The following FMNL2 variants were observed in gnomAD, a reference collection of about 807,000 sequenced individuals.
FMNL2 encodes the protein formin-like protein 2.
In FMNL2, 51 loss-of-function variants were observed where a neutral mutation model predicts 130.2. The observed-to-expected ratio is 0.39, with a 90% CI of 0.31 to 0.49. FMNL2 has a LOEUF of 0.49. Among genes scored for constraint, FMNL2 ranks in the 20% least tolerant of loss-of-function variants. The probability of loss-of-function intolerance (pLI) is 0.85; values close to 1 mark genes in which losing one functional copy is unlikely to be tolerated. For missense variants in FMNL2, 977 were observed against 1,316.2 expected (o/e 0.74, Z 3.99); for synonymous variants, 465 against 467.1 (o/e 1.00, Z 0.06).
At chr2:152,515,538 T>C (rs1692721773) in intron 1 of FMNL2, among the ~76,000 whole-genome samples, 1 of 152,186 alleles carries the variant, frequency 6.6e-6, no homozygotes, top group South Asian at 2.1e-4. Flanking sequence ...AATGACTGTG[T>C]CTGGTTATTT....
chr2:152,632,074 G>A lies in FMNL2; in HGVS notation c.2617G>A (p.Glu873Lys). The change falls in exon 21 of 26, where the codon GAA (glutamate) becomes AAA (lysine). Residue 873 changes from glutamate (E) to lysine (K), a missense_variant. Coordinates refer to ENST00000288670, the MANE Select transcript of FMNL2 (RefSeq NM_052905.4). ...LLHYISNVVK[E>K]KYHQVSLFYN... ...GCACTATATATCCAATGTGGTGAAA[G>A]AAAAATATCACCAAGTGTCCCTGTT... is the stretch of plus-strand genomic sequence containing the variant. 6.2e-7 allele frequency: 1 copy of A among 1,613,270 alleles called. No individual in the cohort carries two copies. The highest frequency in any genetic ancestry group is 8.5e-7 in the Non-Finnish European group (1 of 1,179,522).
intron 2 of FMNL2, among the ~76,000 whole-genome samples, chr2:152,526,823 CT>C (rs201498163): frequency 6.6e-6 from 1 of 151,940 alleles, no homozygotes; most frequent in Admixed American, 6.6e-5. Flanking sequence ...TCTAGTTCAT[CT>C]TTTTTTTAAA....
At chr2:152,567,213 A>G (rs1412593973) in intron 6 of FMNL2, among the ~76,000 whole-genome samples, 2 of 152,326 alleles carry the variant, frequency 1.3e-5, no homozygotes, top group Middle Eastern at 3.4e-3. Context: ...CCTTTGACAA[A>G]TGGAATATAA....
intron 4 of FMNL2, among the ~76,000 whole-genome samples, chr2:152,550,374 A>G (rs1694869266): frequency 6.6e-6 from 1 of 152,258 alleles, no homozygotes; most frequent in Non-Finnish European, 1.5e-5. Context: ...AAATGAATTA[A>G]TTCTAGACTT....
At chr2:152,482,263 A>T (rs1194352753) in intron 1 of FMNL2, among the ~76,000 whole-genome samples, 1 of 152,196 alleles carries the variant, frequency 6.6e-6, no homozygotes, top group Non-Finnish European at 1.5e-5. Context: ...TTTTTCTACC[A>T]CATGAATCTT....
At chr2:152,554,862 C>T (rs1362706430) in intron 4 of FMNL2, among the ~76,000 whole-genome samples, 2 of 152,158 alleles carry the variant, frequency 1.3e-5, no homozygotes, top group African/African-American at 4.8e-5. Context: ...GCAACTCAAA[C>T]AATTTCACAG....
intron 2 of FMNL2, among the ~76,000 whole-genome samples, chr2:152,528,150 A>G (rs1693492849): frequency 6.6e-6 from 1 of 152,154 alleles, no homozygotes; most frequent in African/African-American, 2.4e-5. Flanking sequence ...TTTTTCTATC[A>G]TATAAAAACT....
At chr2:152,390,681 T>TC in intron 1 of FMNL2, 1 of 777,152 alleles carries the variant, frequency 1.3e-6, no homozygotes, top group East Asian at 2.5e-5. Context: ...GCTACAACCA[T>TC]CCAACCTTCT....
chr2:152,517,459 G>C (rs1191255814), intron 1 of FMNL2, among the ~76,000 whole-genome samples: 1 of 152,112 alleles, frequency 6.6e-6, no homozygotes, highest in Admixed American at 6.6e-5. Flanking sequence ...GGGAAATTTA[G>C]GTAAGCATAC....
chr2:152,343,624 C>G (rs1681941312), intron 1 of FMNL2, among the ~76,000 whole-genome samples: 1 of 152,142 alleles, frequency 6.6e-6, no homozygotes, highest in Non-Finnish European at 1.5e-5. Flanking sequence ...GACCATGTGC[C>G]TGGTGCTGGG....
At chr2:152,412,724 C>T (rs891335557) in intron 1 of FMNL2, among the ~76,000 whole-genome samples, 1 of 151,658 alleles carries the variant, frequency 6.6e-6, no homozygotes, top group African/African-American at 2.4e-5. Flanking sequence ...GGGAGGATCA[C>T]TTGAACTCAG....
At chr2:152,564,937 T>A (rs2105623648) in intron 6 of FMNL2, among the ~76,000 whole-genome samples, 1 of 152,314 alleles carries the variant, frequency 6.6e-6, no homozygotes, top group African/African-American at 2.4e-5. Context: ...TGTATTACCA[T>A]GTATTTGTCA....
chr2:152,575,742 T>C (rs751903175), intron 7 of FMNL2, among the ~76,000 whole-genome samples: 4 of 152,174 alleles, frequency 2.6e-5, no homozygotes, highest in Admixed American at 6.5e-5. Flanking sequence ...ATGAAACAAC[T>C]CTAGAACACC....
Position 152,445,455 on chromosome 2 carries a change from A to G in FMNL2, c.118-76488A>G, listed in dbSNP as rs61574062. Among the ~76,000 whole-genome samples, 703 of 152,328 alleles carry G rather than the reference A, an allele frequency of 4.6e-3. 7 individuals are homozygous for G. The highest frequency in any genetic ancestry group is 0.016 in the African/African-American group (677 of 41,570). ...ATTTTATAATCTGTGCCGAGTAACCACTAGCTGCTGAGTTAGTGAGTGTTG... is the reference window on the plus strand; with the variant it reads ...ATTTTATAATCTGTGCCGAGTAACCGCTAGCTGCTGAGTTAGTGAGTGTTG... On this transcript the variant is annotated intron_variant, in intron 1 of 25. Coordinates refer to ENST00000288670, the MANE Select transcript of FMNL2 (RefSeq NM_052905.4).
chr2:152,509,813 A>G (rs751760452), intron 1 of FMNL2, among the ~76,000 whole-genome samples: 2 of 128,718 alleles, frequency 1.6e-5, no homozygotes, highest in Non-Finnish European at 3.1e-5. Flanking sequence ...TGGCACAATC[A>G]TGGGTCAATG....
At chr2:152,350,016 C>T (rs559792352) in intron 1 of FMNL2, among the ~76,000 whole-genome samples, 6 of 151,992 alleles carry the variant, frequency 3.9e-5, no homozygotes, top group Admixed American at 1.3e-4. Context: ...AATGGGAGGG[C>T]GTAGAGGGGG....
At chr2:152,390,331 G>A in intron 1 of FMNL2, 1 of 1,194,988 alleles carries the variant, frequency 8.4e-7, no homozygotes, top group East Asian at 2.3e-5. Flanking sequence ...GTAGGGGAGA[G>A]CTCGTGGCTC....
At chr2:152,485,423 C>T (rs1295573141) in intron 1 of FMNL2, among the ~76,000 whole-genome samples, 1 of 152,054 alleles carries the variant, frequency 6.6e-6, no homozygotes, top group Non-Finnish European at 1.5e-5. Context: ...CCTGGTGGTG[C>T]ACACCTGTGG....
intron 9 of FMNL2, among the ~76,000 whole-genome samples, chr2:152,597,967 A>C (rs547980245): frequency 6.6e-6 from 1 of 152,372 alleles, no homozygotes; most frequent in Admixed American, 6.5e-5. Context: ...GACAAACTGC[A>C]GGCATTTGCC....
Sources: allele counts gnomAD v4.1 joint callset (sites outside exome capture counted in the v4.1 genomes callset), GRCh38; gene constraint gnomAD v4.1.1; transcripts MANE v1.5; gene names NCBI Gene and HGNC (gene_info 2026-07-23, HGNC 2026-07-21).